Variants in DNAJC5 observed in about 807,000 individuals in gnomAD.
The protein encoded by DNAJC5 is dnaJ homolog subfamily C member 5.
A neutral mutation model predicts 23.2 loss-of-function variants in DNAJC5; 1 was observed. The ratio of observed to expected loss-of-function variants is 0.04; its 90% CI spans 0.02 to 0.20. The LOEUF (loss-of-function observed/expected upper bound fraction) is 0.20, where lower values mean the gene tolerates loss of function less well. Among genes scored for constraint, DNAJC5 ranks in the 10% least tolerant of loss-of-function variants. The pLI is 1.00. For synonymous variants in DNAJC5, 136 were observed against 120.0 expected (o/e 1.13, Z -0.87); for missense variants, 180 against 267.0 (o/e 0.67, Z 2.27).
chr20:63,931,026 A>G lies in DNAJC5; in HGVS notation c.493+4A>G. 1 of 1,613,698 alleles carries G rather than the reference A, an allele frequency of 6.2e-7. No homozygotes were observed. The highest frequency in any genetic ancestry group is 8.5e-7 in the Non-Finnish European group (1 of 1,179,880). ...CAGCTGCAGTCTGACGAGAGGGGTGAGTGCCCGCCCCAGGGCCCGTGTGTG... is the reference window on the plus strand; with the variant it reads ...CAGCTGCAGTCTGACGAGAGGGGTGGGTGCCCGCCCCAGGGCCCGTGTGTG... On this transcript the variant is annotated splice_donor_region_variant and intron_variant, in intron 4 of 4. Transcript: ENST00000360864. This position sits in a 1 kb window ranked among gnomAD's most constrained non-coding sequence, Gnocchi z 9.6.
At chr20:63,899,231 A>G (rs1028095845) in intron 1 of DNAJC5, among the ~76,000 whole-genome samples, 4 of 152,226 alleles carry the variant, frequency 2.6e-5, no homozygotes, top group Non-Finnish European at 5.9e-5. Flanking sequence ...TGTTTTATGA[A>G]AATGCCACCC....
rs772453351 is a variant in DNAJC5, at chr20:63,929,397, G to T, written c.193G>T (p.Ala65Ser). 36 of 1,614,026 alleles carry T rather than the reference G, an allele frequency of 2.2e-5. No individual in the cohort carries two copies. Among genetic ancestry groups the T allele is most frequent in the Non-Finnish European group, 2.7e-5 (32 of 1,180,040 alleles). The change falls in exon 3 of 5, where the codon GCC becomes TCC. Residue 65 changes from alanine to serine, a missense_variant. By Grantham distance (99) the Ala-to-Ser change is moderately conservative. Coordinates refer to ENST00000360864, the MANE Select transcript of DNAJC5 (RefSeq NM_025219.3). The surrounding 1 kb of genome is among the most constrained non-coding windows in gnomAD (Gnocchi z 8.6). ...DKFKEINNAH[A>S]ILTDATKRNI... ...GTTTAAGGAGATCAACAACGCGCACGCCATCCTCACGGACGCCACAAAAAG... is the reference window on the plus strand; with the variant it reads ...GTTTAAGGAGATCAACAACGCGCACTCCATCCTCACGGACGCCACAAAAAG...
At chr20:63,912,086 T>C (rs2146281891) in intron 1 of DNAJC5, among the ~76,000 whole-genome samples, 1 of 152,212 alleles carries the variant, frequency 6.6e-6, no homozygotes, top group South Asian at 2.1e-4. Context: ...GCGGATCACT[T>C]GAGGCCGGGA....
Position 63,931,121 on chromosome 20 carries a change from A to G in DNAJC5, c.493+99A>G. 2 of 1,292,526 alleles carry G rather than the reference A, an allele frequency of 1.5e-6. No homozygotes were observed. The highest frequency in any genetic ancestry group is 2.2e-6 in the Non-Finnish European group (2 of 912,508). 80.1% of individuals were successfully genotyped at this position (1,292,526 alleles called of 1,614,324 possible). A position where few individuals can be genotyped will look rare whatever the true frequency, so the allele number is the denominator to read the frequency against. On this transcript the variant is annotated intron_variant, in intron 4 of 4. Coordinates refer to ENST00000360864, the MANE Select transcript of DNAJC5 (RefSeq NM_025219.3). This position sits in a 1 kb window ranked among gnomAD's most constrained non-coding sequence, Gnocchi z 9.6. The stretch of plus-strand genomic sequence containing the variant: ...TCTTGTCAAACAGGAGGGCACTGAC[A>G]CTGTGCCGCGAGTGTTTGTGGTGGC...
intron 1 of DNAJC5, among the ~76,000 whole-genome samples, chr20:63,915,549 C>T (rs2053510699): frequency 6.6e-6 from 1 of 152,152 alleles, no homozygotes; most frequent in Non-Finnish European, 1.5e-5. Flanking sequence ...GATATGTCCA[C>T]TGGGCACCAC....
intron 1 of DNAJC5, among the ~76,000 whole-genome samples, chr20:63,895,706 G>A (rs2053370664): frequency 6.6e-6 from 1 of 152,128 alleles, no homozygotes; most frequent in South Asian, 2.1e-4. Context: ...GAGAAGCTGG[G>A]CCATCGCTGG....
intron 1 of DNAJC5, among the ~76,000 whole-genome samples, chr20:63,925,608 C>G (rs1337266822): frequency 6.6e-6 from 1 of 152,010 alleles, no homozygotes; most frequent in Non-Finnish European, 1.5e-5. Flanking sequence ...ACTTGTAGCT[C>G]AGCTGTCAGG....
At chr20:63,896,485 G>A (rs927446331) in intron 1 of DNAJC5, among the ~76,000 whole-genome samples, 1 of 152,126 alleles carries the variant, frequency 6.6e-6, no homozygotes, top group African/African-American at 2.4e-5. Context: ...CCCTGGCGAG[G>A]GTGTTAATGA....
chr20:63,927,535 T>TCC (rs542283695), intron 1 of DNAJC5, among the ~76,000 whole-genome samples: 147 of 138,472 alleles, frequency 1.1e-3, no homozygotes, highest in Non-Finnish European at 1.9e-3. Context: ...AGCAAAACTG[T>TCC]CCCCCCCCCC....
chr20:63,900,576 CA>C (rs752326573), intron 1 of DNAJC5, among the ~76,000 whole-genome samples: 348 of 65,258 alleles, frequency 5.3e-3, no homozygotes, highest in South Asian at 0.038. Context: ...GACACTGTCT[CA>C]AAAAAAAAAA....
rs547545081 is a variant in DNAJC5 at position 63,928,922 on chromosome 20, G to C, written c.108-390G>C. The stretch of plus-strand genomic sequence containing the variant: ...AGACAATTCAGATAGTCCTCCTCTC[G>C]TGTGCTAGCATCGTGTAGTTCATAA... On this transcript the variant is annotated intron_variant, in intron 2 of 4. Transcript: ENST00000360864. The surrounding 1 kb of genome is among the most constrained non-coding windows in gnomAD (Gnocchi z 4.6). Among the ~76,000 whole-genome samples the C allele has an allele frequency of 6.6e-6, 1 of 152,178 alleles. No individual in the cohort carries two copies. The highest frequency in any genetic ancestry group is 1.5e-5 in the Non-Finnish European group (1 of 68,024).
chr20:63,913,756 T>C (rs2053498338), intron 1 of DNAJC5, among the ~76,000 whole-genome samples: 1 of 152,180 alleles, frequency 6.6e-6, no homozygotes, highest in Non-Finnish European at 1.5e-5. Context: ...AATTTTGTAT[T>C]TTTAGTACAG....
intron 1 of DNAJC5, among the ~76,000 whole-genome samples, chr20:63,914,426 C>T (rs563667811): frequency 1.0e-4 from 15 of 146,380 alleles, no homozygotes; most frequent in African/African-American, 3.6e-4. Flanking sequence ...GCGATTCTCC[C>T]GCCTCAGTCT....
At chr20:63,912,177 C>G (rs1366467099) in intron 1 of DNAJC5, among the ~76,000 whole-genome samples, 1 of 152,044 alleles carries the variant, frequency 6.6e-6, no homozygotes, top group Non-Finnish European at 1.5e-5. Flanking sequence ...GCGGCAGATG[C>G]CTGTGATCCC....
At chr20:63,925,944 C>T (rs2053610989) in intron 1 of DNAJC5, among the ~76,000 whole-genome samples, 2 of 151,622 alleles carry the variant, frequency 1.3e-5, no homozygotes, top group East Asian at 2.0e-4. Flanking sequence ...TCTCCTGCCT[C>T]AGCCTCCCGA....
intron 1 of DNAJC5, among the ~76,000 whole-genome samples, chr20:63,926,044 G>A (rs957320543): frequency 3.3e-4 from 50 of 152,056 alleles, no homozygotes; most frequent in Non-Finnish European, 6.9e-4. Context: ...TAGCCAGGAT[G>A]GTCTCAATCT....
intron 1 of DNAJC5, among the ~76,000 whole-genome samples, chr20:63,922,348 A>G (rs2053580171): frequency 6.6e-6 from 1 of 151,984 alleles, no homozygotes; most frequent in Non-Finnish European, 1.5e-5. Context: ...CTGTAATCCC[A>G]GCCACTTGGC....
chr20:63,896,057 C>T (rs2053373493), intron 1 of DNAJC5, among the ~76,000 whole-genome samples: 1 of 152,154 alleles, frequency 6.6e-6, no homozygotes, highest in Non-Finnish European at 1.5e-5. Flanking sequence ...AAAATTTCAG[C>T]TTTATTTTTG....
intron 1 of DNAJC5, among the ~76,000 whole-genome samples, chr20:63,901,382 G>T (rs187067686): frequency 1.3e-5 from 2 of 152,182 alleles, no homozygotes; most frequent in African/African-American, 2.4e-5. Context: ...TCTAGAGCGC[G>T]GCTGACTTCG....
Sources: allele counts gnomAD v4.1 joint callset (sites outside exome capture counted in the v4.1 genomes callset), GRCh38; gene constraint gnomAD v4.1.1; non-coding constraint Gnocchi (gnomAD v3.1); transcripts MANE v1.5; gene names NCBI Gene and HGNC (gene_info 2026-07-23, HGNC 2026-07-21).